ANKS1B: variants seen among roughly 807,000 people sequenced by gnomAD.
The protein encoded by ANKS1B is ankyrin repeat and sterile alpha motif domain containing 1B, also known as ankyrin repeat and sterile alpha motif domain-containing protein 1B.
In ANKS1B, 36 loss-of-function variants were observed where a neutral mutation model predicts 148.3. That is an observed-to-expected ratio of 0.24 (90% CI 0.19 to 0.32). The LOEUF is 0.32. Among genes scored for constraint, ANKS1B ranks in the 10% least tolerant of loss-of-function variants. ANKS1B has a pLI of 1.00. For synonymous variants in ANKS1B, 542 were observed against 560.8 expected (o/e 0.97, Z 0.47); for missense variants, 1,157 against 1,542.6 (o/e 0.75, Z 4.19).
rs1410628346 is a variant in ANKS1B, at chr12:98,829,705, C to A, written c.2887-352G>T. ...CCCTCATGTGGGCAGAGCGTCCTCA[C>A]CATGGTAGATGCCATGATGAGAAAG... On this transcript the variant is annotated intron_variant, in intron 18 of 26. Coordinates refer to ENST00000683438, the MANE Select transcript of ANKS1B (RefSeq NM_001352186.2). The surrounding 1 kb of genome is among the most constrained non-coding windows in gnomAD (Gnocchi z 5.2). Among the ~76,000 whole-genome samples, 1 of 152,160 alleles carries A rather than the reference C, an allele frequency of 6.6e-6. No individual in the cohort carries two copies. Among genetic ancestry groups the A allele is most frequent in the Non-Finnish European group, 1.5e-5 (1 of 68,032 alleles).
intron 9 of ANKS1B, among the ~76,000 whole-genome samples, chr12:99,554,717 T>C (rs947311903): frequency 5.3e-5 from 8 of 152,148 alleles, no homozygotes; most frequent in African/African-American, 1.9e-4. Flanking sequence ...TTATTTTAGG[T>C]TCAAGGTTAC....
chr12:99,724,275 T>G (rs979944879), intron 8 of ANKS1B, among the ~76,000 whole-genome samples: 1 of 152,192 alleles, frequency 6.6e-6, no homozygotes, highest in African/African-American at 2.4e-5. Context: ...TTACAGGAGC[T>G]GCTAACTAGA....
At chr12:99,584,647 A>G (rs997281263) in intron 9 of ANKS1B, among the ~76,000 whole-genome samples, 13 of 152,160 alleles carry the variant, frequency 8.5e-5, no homozygotes, top group African/African-American at 3.1e-4. Context: ...ATTAAGATAT[A>G]CCCATTTATA....
intron 17 of ANKS1B, among the ~76,000 whole-genome samples, chr12:98,853,402 C>T (rs2099542858): frequency 6.6e-6 from 1 of 152,148 alleles, no homozygotes; most frequent in Non-Finnish European, 1.5e-5. Flanking sequence ...CACCGAGGGC[C>T]CATGGAGAGC....
chr12:99,392,007 G>A (rs1304727434), intron 12 of ANKS1B, among the ~76,000 whole-genome samples: 1 of 152,188 alleles, frequency 6.6e-6, no homozygotes, highest in African/African-American at 2.4e-5. Context: ...CAATAACTCA[G>A]CTAATATATT....
chr12:99,244,666 A>T (rs2089968337), intron 13 of ANKS1B, among the ~76,000 whole-genome samples: 1 of 152,164 alleles, frequency 6.6e-6, no homozygotes, highest in South Asian at 2.1e-4. Context: ...TCTTGAAATA[A>T]ACTTTGTACT....
intron 14 of ANKS1B, among the ~76,000 whole-genome samples, chr12:99,173,027 C>A (rs958092009): frequency 6.6e-6 from 1 of 152,142 alleles, no homozygotes; most frequent in Admixed American, 6.5e-5. Context: ...TAGGTACTAT[C>A]TAAAATCCAT....
At chr12:99,831,038 C>G (rs1371012485) in intron 1 of ANKS1B, among the ~76,000 whole-genome samples, 12 of 152,134 alleles carry the variant, frequency 7.9e-5, no homozygotes, top group African/African-American at 2.9e-4. Context: ...TTATCACCAT[C>G]TGGCATTATA....
At chr12:99,849,189 G>GA (rs1165630216) in intron 1 of ANKS1B, among the ~76,000 whole-genome samples, 1 of 151,420 alleles carries the variant, frequency 6.6e-6, no homozygotes, top group Non-Finnish European at 1.5e-5. Context: ...AATAACAGTT[G>GA]AAAAAAACAA....
intron 1 of ANKS1B, among the ~76,000 whole-genome samples, chr12:99,964,565 C>T (rs1700092006): frequency 6.6e-6 from 1 of 152,164 alleles, no homozygotes; most frequent in African/African-American, 2.4e-5. Context: ...GTACCATAGC[C>T]TAAGTGAGAG....
At position 99,611,946 on chromosome 12, in the gene ANKS1B, G is replaced by A. The variant is rs2097905837; in HGVS notation, c.1272+43121C>T. Among the ~76,000 whole-genome samples the A allele has an allele frequency of 4.6e-5, 7 of 152,084 alleles. No homozygotes were observed. The South Asian group carries it at 1.5e-3, about 32-fold the overall frequency. On this transcript the variant is annotated intron_variant, in intron 9 of 26. Transcript: ENST00000683438. ...CAGTAACTTCATTTTTCACATATGA[G>A]AAGTTCTCACGTAAATGTCCTGAAT...
intron 12 of ANKS1B, among the ~76,000 whole-genome samples, chr12:99,249,316 A>G (rs1207473295): frequency 1.3e-5 from 2 of 152,152 alleles, no homozygotes; most frequent in African/African-American, 4.8e-5. Flanking sequence ...TTAGGGGCGT[A>G]ATATTATTTA....
intron 10 of ANKS1B, among the ~76,000 whole-genome samples, chr12:99,479,876 GATTTTAA>G (rs1408209060): frequency 6.6e-6 from 1 of 151,796 alleles, no homozygotes; most frequent in Admixed American, 6.6e-5. Flanking sequence ...CTAAAAAATA[GATTTTAA>G]ATTTTAAATG....
intron 10 of ANKS1B, among the ~76,000 whole-genome samples, chr12:99,472,158 G>A (rs541196124): frequency 3.5e-4 from 53 of 152,182 alleles, no homozygotes; most frequent in Middle Eastern, 3.4e-3. Context: ...AATGTATCCA[G>A]TTCTCAGAAC....
intron 10 of ANKS1B, among the ~76,000 whole-genome samples, chr12:99,485,876 C>T (rs1010111576): frequency 8.5e-5 from 13 of 152,068 alleles, no homozygotes; most frequent in South Asian, 2.1e-4. Context: ...TCCAGAAGTT[C>T]GGATTGCTTT....
Position 99,886,421 on chromosome 12 carries a change from T to C in ANKS1B, c.135-61032A>G, listed in dbSNP as rs905340052. 1.6e-4 allele frequency among the ~76,000 whole-genome samples: 25 copies of C among 152,322 alleles called. 2 individuals carry two copies. Among genetic ancestry groups the C allele is most frequent in the Admixed American group, 1.1e-3 (17 of 15,296 alleles). The stretch of plus-strand genomic sequence containing the variant: ...TTTAAACAAATGTGCAAAAACACAA[T>C]GGCATTTCCTATTGTGTAATTAATT... On this transcript the variant is annotated intron_variant, in intron 1 of 26. Transcript: ENST00000683438.
At chr12:99,759,618 C>T (rs1035249354) in intron 8 of ANKS1B, among the ~76,000 whole-genome samples, 2 of 151,914 alleles carry the variant, frequency 1.3e-5, no homozygotes, top group Admixed American at 1.3e-4. Context: ...TGGCATTAGG[C>T]AGCAAAATGG....
chr12:99,737,705 T>C (rs1040062924), intron 8 of ANKS1B, among the ~76,000 whole-genome samples: 4 of 152,054 alleles, frequency 2.6e-5, no homozygotes, highest in Non-Finnish European at 4.4e-5. Flanking sequence ...TTCCACCTTG[T>C]TCCCTTCAAC....
chr12:99,914,856 G>A (rs905697678), intron 1 of ANKS1B, among the ~76,000 whole-genome samples: 10 of 152,034 alleles, frequency 6.6e-5, no homozygotes, highest in African/African-American at 2.2e-4. Flanking sequence ...CATACCTGAC[G>A]GGGGTGCCTT....
Sources: gnomAD v4.1 joint callset for allele counts (sites outside exome capture counted in the v4.1 genomes callset) on GRCh38, gnomAD v4.1.1 for gene constraint, Gnocchi (gnomAD v3.1) non-coding constraint, MANE v1.5 for transcripts, NCBI Gene and HGNC (gene_info 2026-07-23, HGNC 2026-07-21) for gene names.